SLC9A6: variants seen among roughly 807,000 people sequenced by gnomAD.
SLC9A6 encodes sodium/hydrogen exchanger 6.
Under a neutral mutation model 45.3 loss-of-function variants are expected in SLC9A6, and 6 were observed. The ratio of observed to expected loss-of-function variants is 0.13; its 90% CI spans 0.07 to 0.26. SLC9A6 has a LOEUF of 0.26. SLC9A6 is among the 10% of genes least tolerant of loss of function. SLC9A6 has a pLI of 1.00. For missense variants in SLC9A6, 278 were observed against 503.7 expected (o/e 0.55, Z 4.29); for synonymous variants, 191 against 187.7 (o/e 1.02, Z -0.14).
In SLC9A6 at chrX:135,989,495, A is replaced by C. The variant is rs782076018; in HGVS notation, c.169+3668A>C. On this transcript the variant is annotated intron_variant, in intron 2 of 17. Coordinates refer to ENST00000630721, the MANE Select transcript of SLC9A6 (RefSeq NM_001379110.1). Reference sequence around the variant, plus strand: ...TGTGATTCATCAATAAATATTGATTAGATGTCTATGATGTATGGGATATGA... The same window carrying C: ...TGTGATTCATCAATAAATATTGATTCGATGTCTATGATGTATGGGATATGA... Among the ~76,000 whole-genome samples, 4 of 112,506 alleles carry C rather than the reference A, an allele frequency of 3.6e-5. No individual in the cohort carries two copies. In the East Asian group the frequency reaches 1.1e-3, roughly 31 times the overall value.
chrX:136,026,511 C>T (rs1264952301), intron 13 of SLC9A6, among the ~76,000 whole-genome samples: 1 of 110,161 alleles, frequency 9.1e-6, no homozygotes, highest in Non-Finnish European at 1.9e-5. Flanking sequence ...AGCCATGTGC[C>T]GGGCACTGTA....
At chrX:135,989,904 T>G (rs2089402535) in intron 2 of SLC9A6, among the ~76,000 whole-genome samples, 1 of 111,320 alleles carries the variant, frequency 9.0e-6, no homozygotes, top group African/African-American at 3.3e-5. Context: ...TGGTTGTGTT[T>G]TTTTTGTTTT....
chrX:136,044,647 A>G lies in SLC9A6; in HGVS notation c.1963A>G (p.Thr655Ala). Residue 655 changes from threonine to alanine, a missense_variant, in exon 18 of 18, where the codon ACA becomes GCA. This residue lies in a region of SLC9A6 where 91 missense variants were observed against 125.1 expected (regional missense o/e 0.73). Coordinates refer to ENST00000630721, the MANE Select transcript of SLC9A6 (RefSeq NM_001379110.1). Reference sequence around the variant, plus strand: ...GGACCATGAACTGGTCATTCGAGGAACACGCCTGGTTCTTCCAATGGATGA... The same window carrying G: ...GGACCATGAACTGGTCATTCGAGGAGCACGCCTGGTTCTTCCAATGGATGA... Reference protein sequence around the residue: ...FGDHELVIRGTRLVLPMDDSE... With the variant: ...FGDHELVIRGARLVLPMDDSE... 8.3e-7 allele frequency: 1 copy of G among 1,210,009 alleles called. No homozygotes were observed. Among genetic ancestry groups the G allele is most frequent in the Non-Finnish European group, 1.1e-6 (1 of 894,106 alleles).
In SLC9A6 at chrX:136,011,327, C is replaced by G. The variant is rs1323157413; in HGVS notation, c.885+744C>G. On this transcript the variant is annotated intron_variant, in intron 8 of 17. Coordinates refer to ENST00000630721, the MANE Select transcript of SLC9A6 (RefSeq NM_001379110.1). ...CGATCTCGGCTCACTGCAACCTCCGCCTCCCGAGTTCAAGCGATTCCCCCG... is the reference window on the plus strand; with the variant it reads ...CGATCTCGGCTCACTGCAACCTCCGGCTCCCGAGTTCAAGCGATTCCCCCG... Among the ~76,000 whole-genome samples, 2 of 112,127 alleles carry G rather than the reference C, an allele frequency of 1.8e-5. 1 individual carries two copies. The highest frequency in any genetic ancestry group is 6.5e-5 in the African/African-American group (2 of 30,834).
upstream of SLC9A6, chrX:135,985,345 A>G: frequency 9.1e-6 from 3 of 330,379 alleles, no homozygotes; most frequent in Non-Finnish European, 1.0e-5. Context: ...GGAACCTGGC[A>G]GAGCGAGCTT....
rs191866465 is a variant in SLC9A6 at position 136,009,421 on chromosome X, A to G, written c.744-1021A>G. On this transcript the variant is annotated intron_variant, in intron 7 of 17. Transcript: ENST00000630721. ...TTTTAACCTGGGAGATATGAAAAGA[A>G]CTTGTATATGGTATAGCAAACATTT... is the stretch of plus-strand genomic sequence containing the variant. Among the ~76,000 whole-genome samples, 98 of 111,845 alleles carry G rather than the reference A, an allele frequency of 8.8e-4. 2 individuals carry two copies. Among genetic ancestry groups the G allele is most frequent in the Middle Eastern group, 4.6e-3 (1 of 217 alleles).
intron 7 of SLC9A6, among the ~76,000 whole-genome samples, chrX:136,006,022 G>C (rs2089652008): frequency 8.9e-6 from 1 of 111,916 alleles, no homozygotes; most frequent in African/African-American, 3.2e-5. Context: ...AAGCAGTTGT[G>C]TGCTCGCTGT....
intron 1 of SLC9A6, among the ~76,000 whole-genome samples, chrX:135,977,580 A>G (rs1276566951): frequency 1.8e-5 from 2 of 112,149 alleles, no homozygotes; most frequent in Admixed American, 1.9e-4. Context: ...ATATATACCT[A>G]TTGTAGGCAC....
At chrX:136,033,252 T>C in intron 15 of SLC9A6, 162 bp from the exon 16 acceptor site, 1 of 326,452 alleles carries the variant, frequency 3.1e-6, no homozygotes. Context: ...CAATTTCCTA[T>C]TCCAAAGCTG....
intron 6 of SLC9A6, among the ~76,000 whole-genome samples, chrX:136,001,780 A>G (rs1328737182): frequency 8.9e-6 from 1 of 112,331 alleles, no homozygotes; most frequent in Non-Finnish European, 1.9e-5. Context: ...TACATGGTCT[A>G]TAAGAAATTC....
chrX:136,001,903 AGAG>A (rs1556617417), intron 6 of SLC9A6, among the ~76,000 whole-genome samples: 1 of 112,182 alleles, frequency 8.9e-6, no homozygotes, highest in African/African-American at 3.2e-5. Flanking sequence ...TTTAAGAGAG[AGAG>A]GAGAAGTTTG....
rs1556623542 is a variant in SLC9A6 at position 136,046,122 on chromosome X, T to G, written c.*1398T>G. 1.8e-5 allele frequency: 2 copies of G among 112,216 alleles called. No homozygotes were observed. The highest frequency in any genetic ancestry group is 3.8e-5 in the Non-Finnish European group (2 of 53,176). 9.2% of individuals were successfully genotyped at this position (112,216 alleles called of 1,213,427 possible). On this transcript the variant is annotated 3_prime_UTR_variant, in exon 18 of 18. Transcript: ENST00000630721. ...TCATGATTCAGAAGAAAAACAAACT[T>G]TTTTGGATTTTTTTTCCCTCAGGTC...
chrX:135,999,225 A>G (rs1556617076), intron 6 of SLC9A6, among the ~76,000 whole-genome samples: 1 of 109,192 alleles, frequency 9.2e-6, no homozygotes, highest in African/African-American at 3.3e-5. Context: ...TTCAACAAGG[A>G]CTATAAGGTA....
Position 136,044,787 on chromosome X carries a change from C to T in SLC9A6, c.*63C>T. The T allele has an allele frequency of 1.9e-6, 2 of 1,062,335 alleles. No individual in the cohort carries two copies. The highest frequency in any genetic ancestry group is 1.3e-6 in the Non-Finnish European group (1 of 760,102). The allele number at this position is 1,062,335 out of a possible 1,213,427, so 87.5% of individuals were successfully genotyped here. On this transcript the variant is annotated 3_prime_UTR_variant, in exon 18 of 18. Transcript: ENST00000630721. ...ACATGTGATTGTGAAGAAATTTGTACTACCTAAAAGTCCCAGTGCATGTCT... is the reference window on the plus strand; with the variant it reads ...ACATGTGATTGTGAAGAAATTTGTATTACCTAAAAGTCCCAGTGCATGTCT...
At chrX:136,004,665 A>AT (rs2089630409) in intron 7 of SLC9A6, among the ~76,000 whole-genome samples, 1 of 111,903 alleles carries the variant, frequency 8.9e-6, no homozygotes, top group African/African-American at 3.2e-5. Context: ...ACAAAAGGCC[A>AT]TATCCTTTTT....
chrX:135,981,550 T>A (rs1330824315), upstream of SLC9A6, among the ~76,000 whole-genome samples: 3 of 111,091 alleles, frequency 2.7e-5, no homozygotes, highest in Non-Finnish European at 5.7e-5. Flanking sequence ...TAGAAGTTAG[T>A]TAGGTGAGGA....
chrX:136,031,629 A>T (rs1556621144), intron 15 of SLC9A6, among the ~76,000 whole-genome samples: 2 of 111,950 alleles, frequency 1.8e-5, no homozygotes. Context: ...ACTGCACTCC[A>T]GCCTGGGCAA....
chrX:136,017,823 T>A (rs782661291), intron 11 of SLC9A6, among the ~76,000 whole-genome samples: 1 of 112,053 alleles, frequency 8.9e-6, no homozygotes, highest in South Asian at 3.7e-4. Context: ...TGGGTGATTC[T>A]GGCTCCAGGA....
At chrX:136,005,554 G>A (rs1220303260) in intron 7 of SLC9A6, among the ~76,000 whole-genome samples, 2 of 111,455 alleles carry the variant, frequency 1.8e-5, no homozygotes, top group Non-Finnish European at 1.9e-5. Context: ...GGTGGCACAC[G>A]CCTGTAATCC....
Sources: gnomAD v4.1 joint callset for allele counts (sites outside exome capture counted in the v4.1 genomes callset) on GRCh38, gnomAD v4.1.1 for gene constraint, gnomAD v4.1.1 regional missense constraint, MANE v1.5 for transcripts, NCBI Gene and HGNC (gene_info 2026-07-23, HGNC 2026-07-21) for gene names.